Variants in DAB1 observed in about 807,000 individuals in gnomAD.
DAB1 encodes the protein DAB adaptor protein 1, also known as disabled homolog 1.
A neutral mutation model predicts 64.6 loss-of-function variants in DAB1; 15 were observed. The observed-to-expected ratio is 0.23, with a 90% CI of 0.16 to 0.36. DAB1 has a LOEUF of 0.36. Among genes scored for constraint, DAB1 ranks in the 10% least tolerant of loss-of-function variants. The pLI is 1.00. For synonymous variants in DAB1, 235 were observed against 251.9 expected, an observed-to-expected ratio of 0.93 and a Z score of 0.64; for missense variants, 596 against 706.7, an observed-to-expected ratio of 0.84 and a Z score of 1.78.
intron 4 of DAB1, among the ~76,000 whole-genome samples, chr1:58,276,176 T>A (rs1348761726): frequency 1.2e-4 from 18 of 151,838 alleles, no homozygotes; most frequent in Admixed American, 1.2e-3. Flanking sequence ...GAGTGGAGAG[T>A]TGTTTACTTA....
intron 7 of DAB1, among the ~76,000 whole-genome samples, chr1:57,594,139 C>T (rs985149096): frequency 5.3e-5 from 8 of 152,160 alleles, no homozygotes; most frequent in Admixed American, 5.2e-4. Context: ...ACTGACTTCC[C>T]CTTACATGGA....
intron 4 of DAB1, among the ~76,000 whole-genome samples, chr1:57,083,745 G>A (rs1399380273): frequency 6.6e-6 from 1 of 152,164 alleles, no homozygotes; most frequent in Non-Finnish European, 1.5e-5. Flanking sequence ...AAAATGAGGT[G>A]GATAGCAGGT....
intron 3 of DAB1, among the ~76,000 whole-genome samples, chr1:58,416,650 C>T (rs1418073105): frequency 2.6e-5 from 4 of 152,122 alleles, no homozygotes; most frequent in African/African-American, 9.7e-5. Context: ...CAAGTATTTA[C>T]AATTTGGGTG....
chr1:57,229,308 TC>T (rs1667499487), intron 2 of DAB1, among the ~76,000 whole-genome samples: 1 of 151,422 alleles, frequency 6.6e-6, no homozygotes, highest in Non-Finnish European at 1.5e-5. Flanking sequence ...TATCCTCCCA[TC>T]TCAGCCGCCA....
At chr1:58,285,607 AC>A (rs1661662464) in intron 4 of DAB1, among the ~76,000 whole-genome samples, 1 of 152,236 alleles carries the variant, frequency 6.6e-6, no homozygotes, top group African/African-American at 2.4e-5. Flanking sequence ...AATACACCTA[AC>A]AAGGGAAGTG....
chr1:57,910,324 C>A (rs952744483), intron 5 of DAB1, among the ~76,000 whole-genome samples: 1 of 152,152 alleles, frequency 6.6e-6, no homozygotes, highest in Admixed American at 6.5e-5. Flanking sequence ...ATACAAAGAA[C>A]AAGATCCAAA....
At chr1:57,141,247 T>C (rs1487457110) in intron 3 of DAB1, among the ~76,000 whole-genome samples, 1 of 152,216 alleles carries the variant, frequency 6.6e-6, no homozygotes, top group Non-Finnish European at 1.5e-5. Context: ...CAGAGACTGA[T>C]TCCTACAGAC....
intron 5 of DAB1, among the ~76,000 whole-genome samples, chr1:57,936,558 A>T (rs977380960): frequency 5.3e-5 from 8 of 151,038 alleles, no homozygotes; most frequent in Non-Finnish European, 1.0e-4. Flanking sequence ...CGCCCAGCTA[A>T]TTTTTTTTTC....
intron 5 of DAB1, among the ~76,000 whole-genome samples, chr1:58,120,826 G>A (rs989068353): frequency 6.6e-6 from 1 of 152,160 alleles, no homozygotes; most frequent in Non-Finnish European, 1.5e-5. Context: ...ATGGAAGAGG[G>A]TACTTTTCAG....
chr1:58,374,397 T>C (rs779490255), intron 3 of DAB1, among the ~76,000 whole-genome samples: 1 of 143,230 alleles, frequency 7.0e-6, no homozygotes, highest in Non-Finnish European at 1.5e-5. Context: ...TTTCTACATA[T>C]GGCTAGCCAG....
intron 3 of DAB1, among the ~76,000 whole-genome samples, chr1:58,344,988 C>T (rs771665707): frequency 5.3e-5 from 8 of 152,154 alleles, no homozygotes; most frequent in Non-Finnish European, 1.2e-4. Flanking sequence ...CCCAGCCTAG[C>T]ACCTATAGAT....
At chr1:57,542,425 AT>A (rs747016923) in intron 7 of DAB1, among the ~76,000 whole-genome samples, 5 of 150,674 alleles carry the variant, frequency 3.3e-5, no homozygotes, top group Admixed American at 6.7e-5. Flanking sequence ...AGGGGTAGGA[AT>A]TAAGGGAAGG....
chr1:57,525,951 T>G (rs1259372264), intron 7 of DAB1, among the ~76,000 whole-genome samples: 2 of 151,754 alleles, frequency 1.3e-5, no homozygotes, highest in Non-Finnish European at 2.9e-5. Context: ...TTTTTTTTTT[T>G]TTTTGAGACG....
At chr1:57,142,499 C>T (rs1658696742) in intron 3 of DAB1, among the ~76,000 whole-genome samples, 1 of 151,946 alleles carries the variant, frequency 6.6e-6, no homozygotes, top group South Asian at 2.1e-4. Flanking sequence ...TCAACAAGTT[C>T]AGTGCATCTG....
At chr1:57,984,225 A>G (rs1240034628) in intron 5 of DAB1, among the ~76,000 whole-genome samples, 1 of 149,850 alleles carries the variant, frequency 6.7e-6, no homozygotes, top group African/African-American at 2.5e-5. Flanking sequence ...AGAAAGAAAG[A>G]AAGAAAGAAA....
At chr1:57,584,176 G>A (rs924117362) in intron 7 of DAB1, among the ~76,000 whole-genome samples, 4 of 152,134 alleles carry the variant, frequency 2.6e-5, no homozygotes, top group Admixed American at 1.3e-4. Flanking sequence ...ACGCTGAGCC[G>A]TAACCAATCC....
intron 7 of DAB1, among the ~76,000 whole-genome samples, chr1:57,583,111 C>T (rs1645333315): frequency 6.6e-6 from 1 of 152,108 alleles, no homozygotes; most frequent in Non-Finnish European, 1.5e-5. Flanking sequence ...GAAGCTGGAA[C>T]TGCCTACCCT....
At chr1:57,050,103 G>A (rs1019413182) in intron 9 of DAB1, among the ~76,000 whole-genome samples, 3 of 152,092 alleles carry the variant, frequency 2.0e-5, no homozygotes, top group African/African-American at 7.2e-5. Context: ...ATTAATCTGG[G>A]TTGCCCTGCT....
intron 2 of DAB1, among the ~76,000 whole-genome samples, chr1:57,196,049 G>A (rs1428347976): frequency 6.6e-6 from 1 of 152,188 alleles, no homozygotes; most frequent in Non-Finnish European, 1.5e-5. Context: ...GGGAGTAGGA[G>A]GAAGGGGTGG....
Sources: allele counts gnomAD v4.1 joint callset (sites outside exome capture counted in the v4.1 genomes callset), GRCh38; gene constraint gnomAD v4.1.1; transcripts MANE v1.5; gene names NCBI Gene and HGNC (gene_info 2026-07-23, HGNC 2026-07-21).